SLC26A7: variants seen among roughly 807,000 people sequenced by gnomAD.
The protein encoded by SLC26A7 is anion exchange transporter.
SLC26A7 carries 59 observed loss-of-function variants against 82.5 expected under a neutral mutation model. The ratio of observed to expected loss-of-function variants is 0.72; its 90% CI spans 0.58 to 0.89. The LOEUF (loss-of-function observed/expected upper bound fraction) is 0.89, where lower values mean the gene tolerates loss of function less well. Among genes scored for constraint, SLC26A7 ranks in the 40% least tolerant of loss-of-function variants. SLC26A7 has a pLI of 0.00. For synonymous variants in SLC26A7, 271 were observed against 274.3 expected (o/e 0.99, Z 0.12); for missense variants, 820 against 793.0 (o/e 1.03, Z -0.41).
At chr8:91,378,789 G>T (rs1456286866) in intron 15 of SLC26A7, among the ~76,000 whole-genome samples, 2 of 151,488 alleles carry the variant, frequency 1.3e-5, no homozygotes, top group Non-Finnish European at 2.9e-5. Context: ...CAGTTAAGTT[G>T]GAAATATTTA....
intron 13 of SLC26A7, among the ~76,000 whole-genome samples, chr8:91,365,055 G>A (rs1050571198): frequency 6.8e-6 from 1 of 146,804 alleles, no homozygotes; most frequent in South Asian, 2.1e-4. Context: ...ATCTCTTCAT[G>A]TGAAATGACC....
intron 2 of SLC26A7, among the ~76,000 whole-genome samples, chr8:91,268,821 G>C (rs1349723058): frequency 1.3e-5 from 2 of 151,024 alleles, no homozygotes; most frequent in Non-Finnish European, 3.0e-5. Flanking sequence ...TTCTGCTTCT[G>C]TGCTATTTAT....
chr8:91,276,864 C>T (rs1811420902), intron 2 of SLC26A7, among the ~76,000 whole-genome samples: 1 of 152,188 alleles, frequency 6.6e-6, no homozygotes, highest in Admixed American at 6.5e-5. Flanking sequence ...AAACCAGAAA[C>T]CACTGTTGCT....
At chr8:91,249,959 G>A in intron 2 of SLC26A7, 115 bp downstream of exon 2, 1 of 760,756 alleles carries the variant, frequency 1.3e-6, no homozygotes, top group Non-Finnish European at 1.9e-6. Context: ...GATATTAGCT[G>A]TGGGGAAACA....
chr8:91,354,343 A>T (rs931601196), intron 11 of SLC26A7, among the ~76,000 whole-genome samples: 1 of 152,122 alleles, frequency 6.6e-6, no homozygotes, highest in Non-Finnish European at 1.5e-5. Context: ...AGAGAATCTC[A>T]TATGCAAAGA....
At chr8:91,364,576 C>G (rs2130872698) in intron 13 of SLC26A7, among the ~76,000 whole-genome samples, 1 of 152,194 alleles carries the variant, frequency 6.6e-6, no homozygotes, top group South Asian at 2.1e-4. Context: ...GTGCAAAGCC[C>G]CAGACTGACT....
chr8:91,348,221 A>C (rs1813619233), intron 9 of SLC26A7: 1 of 528,126 alleles, frequency 1.9e-6, no homozygotes, highest in South Asian at 8.1e-5. Flanking sequence ...ATCTAGCTTT[A>C]GTTATCTAAT....
chr8:91,319,192 T>G (rs572716207), intron 5 of SLC26A7, among the ~76,000 whole-genome samples: 1 of 152,314 alleles, frequency 6.6e-6, no homozygotes, highest in Admixed American at 6.5e-5. Flanking sequence ...GTATTATACA[T>G]GGCCCCGTGA....
intron 2 of SLC26A7, among the ~76,000 whole-genome samples, chr8:91,234,801 C>T (rs898788857): frequency 7.5e-5 from 10 of 133,278 alleles, no homozygotes; most frequent in Admixed American, 7.3e-4. Flanking sequence ...CCCTACCTAC[C>T]TACCTACCTA....
At chr8:91,313,614 A>G (rs1268018782) in intron 4 of SLC26A7, among the ~76,000 whole-genome samples, 3 of 152,094 alleles carry the variant, frequency 2.0e-5, no homozygotes, top group South Asian at 4.1e-4. Context: ...AGACTTTACC[A>G]TCCAGTCACC....
In SLC26A7 at chr8:91,397,752, T is replaced by C. The variant is rs989434490; in HGVS notation, c.*2655T>C. The C allele has an allele frequency of 2.6e-5, 4 of 152,612 alleles. No homozygotes were observed. Among genetic ancestry groups the C allele is most frequent in the Non-Finnish European group, 4.4e-5 (3 of 67,986 alleles). The allele number at this position is 152,612 out of a possible 1,614,324, so 9.5% of individuals were successfully genotyped here. On this transcript the variant is annotated 3_prime_UTR_variant, in exon 19 of 19. Transcript: ENST00000276609. ...TCTATTCTATAAATGTGTAATGTGA[T>C]GAAGAAAGAGATCTTTCTTTTTTAA...
intron 5 of SLC26A7, among the ~76,000 whole-genome samples, chr8:91,323,818 C>CTTTTTTTTTTTTTTTTTT (rs3086210): frequency 8.5e-6 from 1 of 117,104 alleles, no homozygotes; most frequent in African/African-American, 3.0e-5. Flanking sequence ...TTTTTCTTAT[C>CTTTTTTTTTTTTTTTTTT]TTTTTTTTTT....
intron 2 of SLC26A7, among the ~76,000 whole-genome samples, chr8:91,272,380 ATGGACCCC>A (rs1405680019): frequency 6.6e-6 from 1 of 152,214 alleles, no homozygotes. Context: ...TGCAATCTAA[ATGGACCCC>A]TGGACACAAA....
chr8:91,248,851 T>C (rs1328228312), upstream of SLC26A7, among the ~76,000 whole-genome samples: 1 of 152,118 alleles, frequency 6.6e-6, no homozygotes, highest in East Asian at 1.9e-4. Flanking sequence ...GTCACAAATA[T>C]GTGCTCATTG....
intron 13 of SLC26A7, 118 bp downstream of exon 13, chr8:91,363,656 A>G (rs1586456243): frequency 1.8e-6 from 1 of 548,824 alleles, no homozygotes; most frequent in East Asian, 3.5e-5. Context: ...CTTTTTAATT[A>G]GTATAAACTT....
intron 2 of SLC26A7, among the ~76,000 whole-genome samples, chr8:91,275,896 C>G (rs1811393422): frequency 6.6e-6 from 1 of 152,052 alleles, no homozygotes; most frequent in African/African-American, 2.4e-5. Context: ...GTGCCTTTTC[C>G]CTTGCTTGGT....
intron 16 of SLC26A7, among the ~76,000 whole-genome samples, chr8:91,390,540 C>T (rs1447835250): frequency 6.6e-6 from 1 of 152,116 alleles, no homozygotes; most frequent in African/African-American, 2.4e-5. Flanking sequence ...TCTTTGGTTT[C>T]CCCAGTCTTC....
intron 2 of SLC26A7, among the ~76,000 whole-genome samples, chr8:91,257,800 A>G (rs1283631379): frequency 6.6e-6 from 1 of 152,002 alleles, no homozygotes; most frequent in African/African-American, 2.4e-5. Flanking sequence ...TGCATATTAT[A>G]TCACCCAGTG....
intron 2 of SLC26A7, among the ~76,000 whole-genome samples, chr8:91,238,360 A>G (rs779706146): frequency 1.1e-4 from 16 of 152,020 alleles, no homozygotes; most frequent in Non-Finnish European, 1.5e-4. Flanking sequence ...GTCATTTGAC[A>G]GTGCTCATGA....
Sources: allele counts gnomAD v4.1 joint callset (sites outside exome capture counted in the v4.1 genomes callset), GRCh38; gene constraint gnomAD v4.1.1; transcripts MANE v1.5; gene names NCBI Gene and HGNC (gene_info 2026-07-23, HGNC 2026-07-21).